The following LSAMP variants were observed in gnomAD, a reference collection of about 807,000 sequenced individuals.
LSAMP encodes the protein limbic system associated membrane protein.
LSAMP carries 7 observed loss-of-function variants against 38.6 expected under a neutral mutation model. The observed-to-expected ratio is 0.18, with a 90% confidence interval of 0.10 to 0.34. LSAMP has a LOEUF of 0.34. Ranked by LOEUF, LSAMP falls within the 10% of genes least tolerant of loss-of-function variation. The probability of loss-of-function intolerance (pLI) is 1.00; values close to 1 mark genes in which losing one functional copy is unlikely to be tolerated. For synonymous variants in LSAMP, 154 were observed against 166.8 expected, an observed-to-expected ratio of 0.92 and a Z score of 0.59; for missense variants, 313 against 420.0, an observed-to-expected ratio of 0.75 and a Z score of 2.23.
intron 1 of LSAMP, among the ~76,000 whole-genome samples, chr3:116,243,106 A>G (rs929941781): frequency 1.3e-5 from 2 of 152,220 alleles, no homozygotes; most frequent in Non-Finnish European, 1.5e-5. Flanking sequence ...TTAGAAAGAC[A>G]GAGAAGATGA....
intron 1 of LSAMP, among the ~76,000 whole-genome samples, chr3:116,122,784 C>T (rs549426002): frequency 1.3e-5 from 2 of 152,180 alleles, no homozygotes; most frequent in East Asian, 1.9e-4. Context: ...AGAAGCTCCT[C>T]GATTCTCTCC....
chr3:115,917,346 G>A (rs1937273846), intron 3 of LSAMP, among the ~76,000 whole-genome samples: 1 of 152,018 alleles, frequency 6.6e-6, no homozygotes, highest in Admixed American at 6.6e-5. Flanking sequence ...TATTGTTGCT[G>A]CCTTCTGAAA....
intron 6 of LSAMP, among the ~76,000 whole-genome samples, chr3:115,816,424 G>C (rs1033388743): frequency 2.6e-5 from 4 of 152,134 alleles, no homozygotes; most frequent in African/African-American, 9.7e-5. Flanking sequence ...AGCAATATAA[G>C]GGTCATGGGT....
intron 3 of LSAMP, among the ~76,000 whole-genome samples, chr3:115,944,741 G>A (rs569917335): frequency 9.0e-4 from 137 of 152,204 alleles, no homozygotes; most frequent in African/African-American, 3.2e-3. Context: ...CCTGTTCAAG[G>A]TCACATATCT....
At chr3:115,954,575 T>C (rs1041284266) in intron 3 of LSAMP, among the ~76,000 whole-genome samples, 1 of 152,230 alleles carries the variant, frequency 6.6e-6, no homozygotes, top group Non-Finnish European at 1.5e-5. Context: ...TGCACTGAGA[T>C]AGAGCATTCA....
At chr3:115,811,743 A>G (rs537256919) in intron 6 of LSAMP, among the ~76,000 whole-genome samples, 15 of 152,342 alleles carry the variant, frequency 9.8e-5, no homozygotes, top group African/African-American at 3.6e-4. Context: ...AATAAAAGCA[A>G]CAACAACAAT....
At chr3:116,068,806 G>T (rs892592699) in intron 2 of LSAMP, among the ~76,000 whole-genome samples, 1 of 152,154 alleles carries the variant, frequency 6.6e-6, no homozygotes, top group Admixed American at 6.5e-5. Flanking sequence ...AGTTCTGTGT[G>T]GTTTCAAAGA....
intron 3 of LSAMP, among the ~76,000 whole-genome samples, chr3:115,872,926 A>G (rs545374660): frequency 3.9e-5 from 6 of 151,930 alleles, no homozygotes; most frequent in African/African-American, 1.4e-4. Flanking sequence ...TACTAGTTTA[A>G]TTAAGGAAGT....
intron 1 of LSAMP, among the ~76,000 whole-genome samples, chr3:116,393,963 T>C (rs4831133): frequency 0.18 from 27,925 of 152,190 alleles, 3,345 homozygotes; most frequent in African/African-American, 0.34. Context: ...AGTACTGTTT[T>C]ATGAATGAGT....
At chr3:116,074,598 C>A (rs1576347401) in intron 2 of LSAMP, among the ~76,000 whole-genome samples, 1 of 152,098 alleles carries the variant, frequency 6.6e-6, no homozygotes. Context: ...CATTAATTTA[C>A]ACTCTCAACA....
chr3:116,377,771 A>G (rs1393137943), intron 1 of LSAMP, among the ~76,000 whole-genome samples: 1 of 152,002 alleles, frequency 6.6e-6, no homozygotes, highest in Non-Finnish European at 1.5e-5. Context: ...TTATATATGT[A>G]TATGTGTGTC....
chr3:116,147,730 T>C (rs566693280), intron 1 of LSAMP, among the ~76,000 whole-genome samples: 3 of 152,024 alleles, frequency 2.0e-5, no homozygotes, highest in Admixed American at 6.6e-5. Flanking sequence ...TAAGTGTCAT[T>C]GATTTTATCA....
chr3:116,392,662 C>G (rs1015378509), intron 1 of LSAMP, among the ~76,000 whole-genome samples: 7 of 152,162 alleles, frequency 4.6e-5, no homozygotes, highest in Admixed American at 6.5e-5. Context: ...TGGGGAGGGT[C>G]TGAAATCAGG....
intron 2 of LSAMP, among the ~76,000 whole-genome samples, chr3:116,076,369 T>C (rs1052414085): frequency 6.6e-5 from 10 of 152,266 alleles, no homozygotes; most frequent in Non-Finnish European, 1.3e-4. Context: ...ACCATTCTCC[T>C]GCCTCAGCCT....
chr3:115,854,473 G>A (rs886423745), intron 3 of LSAMP, among the ~76,000 whole-genome samples: 1 of 151,414 alleles, frequency 6.6e-6, no homozygotes, highest in African/African-American at 2.4e-5. Flanking sequence ...TAGTAGAGAC[G>A]GGGTTTCACC....
At chr3:116,134,651 ATTCT>A (rs970456131) in intron 1 of LSAMP, among the ~76,000 whole-genome samples, 7 of 152,122 alleles carry the variant, frequency 4.6e-5, no homozygotes, top group Non-Finnish European at 1.0e-4. Context: ...TGCATTGATT[ATTCT>A]TTCTTAGTTC....
At chr3:116,351,751 C>T (rs1180722290) in intron 1 of LSAMP, among the ~76,000 whole-genome samples, 2 of 152,086 alleles carry the variant, frequency 1.3e-5, no homozygotes, top group African/African-American at 4.8e-5. Context: ...TATCCAGTAT[C>T]ATTCCCTTCA....
intron 1 of LSAMP, among the ~76,000 whole-genome samples, chr3:116,091,572 T>C (rs933325760): frequency 3.3e-5 from 5 of 152,212 alleles, no homozygotes; most frequent in African/African-American, 1.2e-4. Context: ...TAAATGTCCA[T>C]AAAATCTTCA....
chr3:116,023,796 A>G (rs941499347), intron 2 of LSAMP, among the ~76,000 whole-genome samples: 1 of 152,140 alleles, frequency 6.6e-6, no homozygotes, highest in African/African-American at 2.4e-5. Flanking sequence ...TAGGTCATTC[A>G]TGATTGGCCC....
Sources: allele counts gnomAD v4.1 joint callset (sites outside exome capture counted in the v4.1 genomes callset), GRCh38; gene constraint gnomAD v4.1.1; transcripts MANE v1.5; gene names NCBI Gene and HGNC (gene_info 2026-07-23, HGNC 2026-07-21).